The following TCF4 variants were observed in gnomAD, a reference collection of about 807,000 sequenced individuals.
TCF4 encodes the protein SL3-3 enhancer factor 2.
TCF4 carries 3 observed loss-of-function variants against 82.1 expected under a neutral mutation model. That is an observed-to-expected ratio of 0.04 (90% CI 0.02 to 0.09). TCF4 has a LOEUF of 0.09. Ranked by LOEUF, TCF4 falls within the 10% of genes least tolerant of loss-of-function variation. The pLI, the probability that TCF4 is intolerant of heterozygous loss-of-function variation, is 1.00. For missense variants in TCF4, 518 were observed against 852.7 expected, an observed-to-expected ratio of 0.61 and a Z score of 4.89; for synonymous variants, 276 against 309.6, an observed-to-expected ratio of 0.89 and a Z score of 1.14.
chr18:55,324,847 A>G (rs1445022936), intron 8 of TCF4, among the ~76,000 whole-genome samples: 1 of 152,166 alleles, frequency 6.6e-6, no homozygotes, highest in African/African-American at 2.4e-5. Context: ...CTTTTGGGGA[A>G]AAAAATTCTT....
intron 6 of TCF4, among the ~76,000 whole-genome samples, chr18:55,378,617 CT>C (rs1394674549): frequency 2.0e-5 from 3 of 152,182 alleles, no homozygotes; most frequent in Admixed American, 2.0e-4. Context: ...AGGCTACATC[CT>C]TCTCCCCTAC....
chr18:55,345,954 C>G (rs956225949), intron 8 of TCF4, among the ~76,000 whole-genome samples: 1 of 152,088 alleles, frequency 6.6e-6, no homozygotes, highest in Non-Finnish European at 1.5e-5. Context: ...TAATTTCCAG[C>G]CCACTAATAA....
At chr18:55,400,890 A>G (rs1379387515) in intron 6 of TCF4, 1 of 1,130,408 alleles carries the variant, frequency 8.8e-7, no homozygotes, top group East Asian at 5.8e-5. Context: ...TAATACGATA[A>G]AGCAGCTTTT....
At chr18:55,343,054 A>C (rs993141083) in intron 8 of TCF4, among the ~76,000 whole-genome samples, 11 of 152,166 alleles carry the variant, frequency 7.2e-5, no homozygotes, top group African/African-American at 2.7e-4. Flanking sequence ...TGCCATCAAA[A>C]TAATTGTTCC....
chr18:55,285,510 G>A (rs937530172), intron 8 of TCF4, among the ~76,000 whole-genome samples: 19 of 152,280 alleles, frequency 1.2e-4, no homozygotes, highest in African/African-American at 4.6e-4. Context: ...TTAGTAATAT[G>A]TAGTTATTTG....
chr18:55,586,048 GCTGC>G, intron 2 of TCF4: 1 of 1,391,096 alleles, frequency 7.2e-7, no homozygotes, highest in Non-Finnish European at 9.5e-7. Context: ...GGGCTGCAAA[GCTGC>G]CTGCCTAGGG....
intron 2 of TCF4, among the ~76,000 whole-genome samples, chr18:55,605,207 G>A: frequency 6.6e-6 from 1 of 152,182 alleles, no homozygotes; most frequent in East Asian, 1.9e-4. Flanking sequence ...ATGTGGCCTA[G>A]ACTGAAAACC....
At chr18:55,484,981 C>G (rs1351248316) in intron 3 of TCF4, among the ~76,000 whole-genome samples, 1 of 152,226 alleles carries the variant, frequency 6.6e-6, no homozygotes, top group Admixed American at 6.5e-5. Context: ...GCCAATCACA[C>G]CCCTTGCCTT....
intron 2 of TCF4, among the ~76,000 whole-genome samples, chr18:55,606,482 A>G (rs919941602): frequency 5.3e-5 from 8 of 152,180 alleles, no homozygotes; most frequent in African/African-American, 1.9e-4. Flanking sequence ...TCAAAGTGCC[A>G]TTGTCATTTT....
chr18:55,438,420 A>C (rs1465304017), intron 5 of TCF4, among the ~76,000 whole-genome samples: 1 of 152,102 alleles, frequency 6.6e-6, no homozygotes, highest in East Asian at 1.9e-4. Context: ...TCCCCAGAAG[A>C]GTGATCTATT....
At chr18:55,354,086 G>A (rs2082905097) in intron 6 of TCF4, among the ~76,000 whole-genome samples, 1 of 152,170 alleles carries the variant, frequency 6.6e-6, no homozygotes, top group African/African-American at 2.4e-5. Flanking sequence ...CCATAGTTTA[G>A]CATTTTGCTT....
intron 15 of TCF4, among the ~76,000 whole-genome samples, chr18:55,244,595 A>AAGTG (rs1323293222): frequency 6.6e-6 from 1 of 152,184 alleles, no homozygotes; most frequent in African/African-American, 2.4e-5. Context: ...TTCTAATAGG[A>AAGTG]AGTGCCCTGC....
At chr18:55,359,740 T>C (rs533329948) in intron 6 of TCF4, among the ~76,000 whole-genome samples, 18 of 152,200 alleles carry the variant, frequency 1.2e-4, no homozygotes, top group Non-Finnish European at 2.1e-4. Context: ...AAACATAAAA[T>C]TTGATCCTTA....
At chr18:55,269,637 T>C (rs1449746267) in intron 11 of TCF4, 194 bp downstream of exon 11, 16 of 723,294 alleles carry the variant, frequency 2.2e-5, no homozygotes, top group Non-Finnish European at 3.6e-5. Flanking sequence ...AATTTCAGTG[T>C]CTTGTGACGA....
upstream of TCF4, chr18:55,591,343 G>A (rs536650559): frequency 6.6e-6 from 1 of 152,292 alleles, no homozygotes; most frequent in African/African-American, 2.4e-5. Context: ...GATCACAAAC[G>A]TTGGGTTAGG....
At chr18:55,519,409 G>A (rs1480210288) in intron 3 of TCF4, among the ~76,000 whole-genome samples, 3 of 150,072 alleles carry the variant, frequency 2.0e-5, no homozygotes, top group African/African-American at 7.4e-5. Flanking sequence ...ACTTCAGCAT[G>A]GGCAACAGAG....
intron 15 of TCF4, among the ~76,000 whole-genome samples, chr18:55,245,860 G>A (rs1019096838): frequency 1.3e-4 from 19 of 151,038 alleles, no homozygotes; most frequent in African/African-American, 3.9e-4. Context: ...ACTCTACCAG[G>A]ATAAAAGGCC....
At chr18:55,464,270 T>C in intron 3 of TCF4, 133 bp from the exon 4 acceptor site, 1 of 775,824 alleles carries the variant, frequency 1.3e-6, no homozygotes, top group Non-Finnish European at 2.3e-6. Context: ...GCTACCATGA[T>C]GATAGTGGCT....
chr18:55,229,303 G>A, intron 17 of TCF4: 1 of 567,378 alleles, frequency 1.8e-6, no homozygotes, highest in Non-Finnish European at 3.2e-6. Flanking sequence ...AAACCAAACA[G>A]GTGAGGGTGA....
Sources: allele counts gnomAD v4.1 joint callset (sites outside exome capture counted in the v4.1 genomes callset), GRCh38; gene constraint gnomAD v4.1.1; transcripts MANE v1.5; gene names NCBI Gene and HGNC (gene_info 2026-07-23, HGNC 2026-07-21).